Variants in ROBO2 observed in about 807,000 individuals in gnomAD.
ROBO2 encodes roundabout guidance receptor 2.
ROBO2 carries 53 observed loss-of-function variants against 160.8 expected under a neutral mutation model. That is an observed-to-expected ratio of 0.33 (90% confidence interval 0.26 to 0.41). ROBO2 has a LOEUF of 0.41. ROBO2 is among the 10% of genes least tolerant of loss of function. ROBO2 has a pLI of 1.00. For synonymous variants in ROBO2, 664 were observed against 611.7 expected, an observed-to-expected ratio of 1.09 and a Z score of -1.26; for missense variants, 1,577 against 1,722.4, an observed-to-expected ratio of 0.92 and a Z score of 1.49.
intron 2 of ROBO2, among the ~76,000 whole-genome samples, chr3:76,712,072 C>T (rs1303138440): frequency 4.6e-5 from 7 of 152,124 alleles, no homozygotes; most frequent in Admixed American, 4.6e-4. Context: ...AGTAGGCTTG[C>T]ATTAATACTT....
chr3:75,984,742 A>G (rs2065368298), intron 2 of ROBO2, among the ~76,000 whole-genome samples: 1 of 151,440 alleles, frequency 6.6e-6, no homozygotes, highest in Non-Finnish European at 1.5e-5. Flanking sequence ...GGTCAATCAC[A>G]CAACTGGTAA....
intron 2 of ROBO2, among the ~76,000 whole-genome samples, chr3:77,202,791 G>T (rs1414877104): frequency 6.6e-6 from 1 of 151,714 alleles, no homozygotes; most frequent in Non-Finnish European, 1.5e-5. Context: ...CCTATCAGGT[G>T]CCTCCCTGGG....
intron 2 of ROBO2, among the ~76,000 whole-genome samples, chr3:76,700,686 C>T (rs529794895): frequency 3.9e-4 from 59 of 152,244 alleles, no homozygotes; most frequent in Non-Finnish European, 7.1e-4. Context: ...TGAAGTGTGC[C>T]TTTGGAAACT....
chr3:76,456,511 C>G (rs1448623889), intron 2 of ROBO2, among the ~76,000 whole-genome samples: 3 of 152,146 alleles, frequency 2.0e-5, no homozygotes, highest in Non-Finnish European at 4.4e-5. Context: ...GTCAGTGACT[C>G]AGACCTTGGA....
chr3:75,972,503 G>T (rs1287051409), intron 2 of ROBO2, among the ~76,000 whole-genome samples: 3 of 151,616 alleles, frequency 2.0e-5, no homozygotes, highest in Non-Finnish European at 4.4e-5. Flanking sequence ...TGTTTGTGCT[G>T]CCAGCTTGAC....
At chr3:77,373,782 A>C (rs1208903326) in intron 2 of ROBO2, among the ~76,000 whole-genome samples, 1 of 150,282 alleles carries the variant, frequency 6.7e-6, no homozygotes, top group East Asian at 2.0e-4. Flanking sequence ...CATCTCCCCT[A>C]CCTTGCTCTT....
At chr3:76,360,183 G>A (rs1807203) in intron 2 of ROBO2, among the ~76,000 whole-genome samples, 7,138 of 152,094 alleles carry the variant, frequency 0.047, 429 homozygotes, top group African/African-American at 0.13. Context: ...TGACCCATCT[G>A]TGTGACTATC....
chr3:76,674,310 C>T (rs1175653830), intron 2 of ROBO2, among the ~76,000 whole-genome samples: 1 of 152,028 alleles, frequency 6.6e-6, no homozygotes, highest in Non-Finnish European at 1.5e-5. Flanking sequence ...AGCAACTCGT[C>T]AGATGCTGAT....
At chr3:75,997,785 G>T (rs184357052) in intron 2 of ROBO2, among the ~76,000 whole-genome samples, 7 of 152,076 alleles carry the variant, frequency 4.6e-5, no homozygotes, top group African/African-American at 1.7e-4. Context: ...GAGCCACCGC[G>T]CCCGGCAAGT....
At chr3:77,397,572 T>C (rs1049463514) in intron 2 of ROBO2, among the ~76,000 whole-genome samples, 10 of 152,138 alleles carry the variant, frequency 6.6e-5, no homozygotes, top group South Asian at 2.1e-4. Context: ...AAGAAACCTC[T>C]TGATGCCCTC....
At chr3:76,677,730 A>G (rs1386917086) in intron 2 of ROBO2, among the ~76,000 whole-genome samples, 1 of 152,122 alleles carries the variant, frequency 6.6e-6, no homozygotes, top group Non-Finnish European at 1.5e-5. Flanking sequence ...AAGATTTTTT[A>G]AATTTAAAAT....
chr3:75,956,016 CA>C (rs1408910019), intron 2 of ROBO2, among the ~76,000 whole-genome samples: 1 of 151,716 alleles, frequency 6.6e-6, no homozygotes, highest in South Asian at 2.1e-4. Context: ...CTGTATTTGT[CA>C]ATAGAATTCA....
At chr3:76,897,762 T>C (rs957243113) in intron 2 of ROBO2, among the ~76,000 whole-genome samples, 4 of 151,982 alleles carry the variant, frequency 2.6e-5, no homozygotes, top group Non-Finnish European at 4.4e-5. Context: ...ATATGAAGTT[T>C]ATATGTTACT....
intron 2 of ROBO2, among the ~76,000 whole-genome samples, chr3:76,453,708 A>G (rs1304700946): frequency 2.0e-5 from 3 of 152,160 alleles, no homozygotes; most frequent in Non-Finnish European, 4.4e-5. Flanking sequence ...CCTGCCAAAC[A>G]TGTCATGGGC....
chr3:76,125,027 C>T (rs2070916275), intron 2 of ROBO2, among the ~76,000 whole-genome samples: 1 of 152,018 alleles, frequency 6.6e-6, no homozygotes, highest in Non-Finnish European at 1.5e-5. Flanking sequence ...ATTGCAGTGT[C>T]TGTTATTCTT....
chr3:77,531,141 A>G (rs2091694493), intron 6 of ROBO2, among the ~76,000 whole-genome samples: 1 of 152,030 alleles, frequency 6.6e-6, no homozygotes, highest in African/African-American at 2.4e-5. Flanking sequence ...CCTGGAGTAT[A>G]AAACTGAAAG....
intron 1 of ROBO2, among the ~76,000 whole-genome samples, chr3:75,924,859 T>G (rs1479821243): frequency 6.6e-6 from 1 of 151,466 alleles, no homozygotes. Context: ...AGGCTTATTT[T>G]TTGTATTTTT....
chr3:76,619,906 T>C (rs1198787037), intron 2 of ROBO2, among the ~76,000 whole-genome samples: 1 of 152,182 alleles, frequency 6.6e-6, no homozygotes, highest in Non-Finnish European at 1.5e-5. Flanking sequence ...AGGAATTTTA[T>C]CTTAATTCAG....
At chr3:76,728,589 A>G (rs2107807624) in intron 2 of ROBO2, among the ~76,000 whole-genome samples, 1 of 152,306 alleles carries the variant, frequency 6.6e-6, no homozygotes, top group South Asian at 2.1e-4. Flanking sequence ...ACTGAGAACC[A>G]TGATGCTAAA....
Sources: allele counts gnomAD v4.1 joint callset (sites outside exome capture counted in the v4.1 genomes callset), GRCh38; gene constraint gnomAD v4.1.1; transcripts MANE v1.5; gene names NCBI Gene and HGNC (gene_info 2026-07-23, HGNC 2026-07-21).